The following DYNC2H1 variants were observed in gnomAD, a reference collection of about 807,000 sequenced individuals.
DYNC2H1 encodes the protein cytoplasmic dynein 2 heavy chain 1.
A neutral mutation model predicts 570.0 loss-of-function variants in DYNC2H1; 410 were observed. The ratio of observed to expected loss-of-function variants is 0.72; its 90% CI spans 0.66 to 0.78. The LOEUF (loss-of-function observed/expected upper bound fraction) is 0.78. Among genes scored for constraint, DYNC2H1 ranks in the 30% least tolerant of loss-of-function variants. DYNC2H1 has a pLI of 0.00. For synonymous variants in DYNC2H1, 1,688 were observed against 1,677.6 expected (o/e 1.01, Z -0.15); for missense variants, 4,865 against 5,046.4 (o/e 0.96, Z 1.09).
chr11:103,456,385 C>T, intron 87 of DYNC2H1, 29 bp downstream of exon 87: 2 of 1,545,110 alleles, frequency 1.3e-6, no homozygotes, highest in Non-Finnish European at 1.8e-6. Flanking sequence ...ATCTTGGAAT[C>T]TCAGCCTTAT....
In DYNC2H1 at chr11:103,177,213, A is replaced by T. The variant is rs962107023; in HGVS notation, c.5875-343A>T. Among the ~76,000 whole-genome samples the T allele has an allele frequency of 6.6e-6, 1 of 152,184 alleles. No individual in the cohort carries two copies. The highest frequency in any genetic ancestry group is 1.5e-5 in the Non-Finnish European group (1 of 68,030). On this transcript the variant is annotated intron_variant, in intron 37 of 88. Coordinates refer to ENST00000375735, the MANE Select transcript of DYNC2H1 (RefSeq NM_001377.3). This position sits in a 1 kb window ranked among gnomAD's most constrained non-coding sequence, Gnocchi z 4.4. ...GCCCTCAGTTTTGGAGAGAAGTAAG[A>T]TAAGAATGAATGAATGAATGAATAA...
chr11:103,340,742 C>T (rs11225732), intron 82 of DYNC2H1, among the ~76,000 whole-genome samples: 6 of 151,910 alleles, frequency 3.9e-5, no homozygotes, highest in African/African-American at 1.5e-4. Flanking sequence ...TTTTAGTACA[C>T]CTTTCGTAAC....
chr11:103,168,849 T>C lies in DYNC2H1; in HGVS notation c.4857T>C (p.His1619=), dbSNP rs763153020. The C allele has an allele frequency of 3.1e-6, 5 of 1,613,254 alleles. No individual in the cohort carries two copies. In the East Asian group the frequency reaches 1.1e-4, roughly 36 times the overall value. The change falls in exon 32 of 89, where the codon CAT becomes CAC. Residue 1619 remains histidine, a synonymous_variant. Coordinates refer to ENST00000375735, the MANE Select transcript of DYNC2H1 (RefSeq NM_001377.3). Reference sequence around the variant, plus strand: ...AGCAGTTAAACCAAATTCAGGTTCATACAACTGAAGACTGGGCTTGGAAAA... The same window carrying C: ...AGCAGTTAAACCAAATTCAGGTTCACACAACTGAAGACTGGGCTTGGAAAA... The part of the protein sequence containing the change: ...VVKQLNQIQV[H]TTEDWAWKKQ...
chr11:103,288,922 A>G (rs1175571910), intron 75 of DYNC2H1, among the ~76,000 whole-genome samples: 2 of 150,456 alleles, frequency 1.3e-5, no homozygotes, highest in Non-Finnish European at 3.0e-5. Flanking sequence ...TTTAGGGGTC[A>G]TGCAGCCTCG....
In DYNC2H1 at chr11:103,325,882, T is replaced by A. The variant is rs2135448876; in HGVS notation, c.12039+1892T>A. ...TGGTGGGCGGGGGATGGGCGTATAG[T>A]GGGCTCCTTTGAAGGTAAGGGGACA... On this transcript the variant is annotated intron_variant, in intron 82 of 88. Coordinates refer to ENST00000375735, the MANE Select transcript of DYNC2H1 (RefSeq NM_001377.3). This position sits in a 1 kb window ranked among gnomAD's most constrained non-coding sequence, Gnocchi z 4.8. Among the ~76,000 whole-genome samples the A allele has an allele frequency of 6.6e-6, 1 of 152,228 alleles. No homozygotes were observed. Among genetic ancestry groups the A allele is most frequent in the Admixed American group, 6.5e-5 (1 of 15,284 alleles).
chr11:103,371,048 A>G (rs547246923), intron 83 of DYNC2H1, among the ~76,000 whole-genome samples: 1 of 152,254 alleles, frequency 6.6e-6, no homozygotes, highest in African/African-American at 2.4e-5. Context: ...ACTTTGAGAA[A>G]ACTCAAACTC....
In DYNC2H1 at chr11:103,388,961, C is replaced by G. The variant is rs372196570; in HGVS notation, c.12157-10702C>G. Among the ~76,000 whole-genome samples, 14 of 152,064 alleles carry G rather than the reference C, an allele frequency of 9.2e-5. No individual in the cohort carries two copies. In the East Asian group the frequency reaches 2.5e-3, roughly 27 times the overall value. ...TTCATCAGGGATATTGTCTAAAATT[C>G]CCTTTTTTTGTTGTGTCTCTGCCAG... is the stretch of plus-strand genomic sequence containing the variant. On this transcript the variant is annotated intron_variant, in intron 83 of 88. Transcript: ENST00000375735.
intron 40 of DYNC2H1, among the ~76,000 whole-genome samples, chr11:103,182,465 C>T (rs1041890843): frequency 6.6e-6 from 1 of 151,642 alleles, no homozygotes; most frequent in African/African-American, 2.4e-5. Flanking sequence ...AAGCATAATA[C>T]AAGAGAGACT....
Position 103,229,693 on chromosome 11 carries a change from A to G in DYNC2H1, c.9354-1567A>G, listed in dbSNP as rs1316667531. 2.0e-5 allele frequency among the ~76,000 whole-genome samples: 3 copies of G among 152,162 alleles called. No homozygotes were observed. In the East Asian group the frequency reaches 5.8e-4, roughly 29 times the overall value. ...TTCAGCATTGTTCTAGAGATTACCTATTGTATTCTTTTATTATGAATTCCT... is the reference window on the plus strand; with the variant it reads ...TTCAGCATTGTTCTAGAGATTACCTGTTGTATTCTTTTATTATGAATTCCT... On this transcript the variant is annotated intron_variant, in intron 59 of 88. Transcript: ENST00000375735.
chr11:103,421,142 A>G (rs749799362), intron 84 of DYNC2H1, among the ~76,000 whole-genome samples: 5 of 152,248 alleles, frequency 3.3e-5, no homozygotes, highest in Admixed American at 6.5e-5. Flanking sequence ...AGGACATTAC[A>G]TAATGGTAAA....
intron 83 of DYNC2H1, 33 bp downstream of exon 83, chr11:103,358,392 CT>C: frequency 7.1e-7 from 1 of 1,408,350 alleles, no homozygotes; most frequent in Non-Finnish European, 9.8e-7. Flanking sequence ...GATTCTTTTG[CT>C]TTTTCTCCCG....
At position 103,186,161 on chromosome 11, in the gene DYNC2H1, T is replaced by A. The variant is rs1357193757; in HGVS notation, c.6634-81T>A. 6 of 1,355,840 alleles carry A rather than the reference T, an allele frequency of 4.4e-6. No homozygotes were observed. Among genetic ancestry groups the A allele is most frequent in the Non-Finnish European group, 6.0e-6 (6 of 1,006,570 alleles). The allele number at this position is 1,355,840 out of a possible 1,614,324, so 84.0% of individuals were successfully genotyped here. A position where few individuals can be genotyped will look rare whatever the true frequency, so the allele number is the denominator to read the frequency against. Reference sequence around the variant, plus strand: ...TCTTGGAACTAAGATGATTTACTTTTGGGATATTTACTTGGAAGAATTTTA... The same window carrying A: ...TCTTGGAACTAAGATGATTTACTTTAGGGATATTTACTTGGAAGAATTTTA... On this transcript the variant is annotated intron_variant, in intron 41 of 88. Transcript: ENST00000375735. The surrounding 1 kb of genome is among the most constrained non-coding windows in gnomAD (Gnocchi z 4.5).
chr11:103,412,371 T>TTAAAGAAAACAATATTGTAA (rs1943123153), intron 84 of DYNC2H1, among the ~76,000 whole-genome samples: 1 of 151,982 alleles, frequency 6.6e-6, no homozygotes, highest in East Asian at 1.9e-4. Flanking sequence ...AATTTGCTTT[T>TTAAAGAAAACAATATTGTAA]TAAAGAAAAC....
chr11:103,301,701 A>G (rs12418094), intron 75 of DYNC2H1, among the ~76,000 whole-genome samples: 20,841 of 151,828 alleles, frequency 0.14, 1,679 homozygotes, highest in Admixed American at 0.24. Flanking sequence ...TGTTGTGAAG[A>G]ACAGACAAGG....
intron 88 of DYNC2H1, among the ~76,000 whole-genome samples, chr11:103,475,237 C>A (rs1024451088): frequency 2.0e-5 from 3 of 152,048 alleles, no homozygotes; most frequent in Non-Finnish European, 4.4e-5. Flanking sequence ...ACTGTAATTG[C>A]ACAAAACTTT....
At chr11:103,215,282 G>T (rs1357657265) in intron 54 of DYNC2H1, among the ~76,000 whole-genome samples, 1 of 151,996 alleles carries the variant, frequency 6.6e-6, no homozygotes, top group Non-Finnish European at 1.5e-5. Context: ...GTGGGCAGAG[G>T]GTTTGTCATT....
At chr11:103,375,177 G>C (rs1025772749) in intron 83 of DYNC2H1, among the ~76,000 whole-genome samples, 2 of 152,216 alleles carry the variant, frequency 1.3e-5, no homozygotes, top group African/African-American at 2.4e-5. Flanking sequence ...CTTCCACATG[G>C]TGTTGGGCCT....
chr11:103,419,988 A>C (rs1217076401), intron 84 of DYNC2H1, among the ~76,000 whole-genome samples: 1 of 152,172 alleles, frequency 6.6e-6, no homozygotes, highest in Non-Finnish European at 1.5e-5. Context: ...TTCACAATGC[A>C]ATCAGAAGTA....
chr11:103,253,432 G>T lies in DYNC2H1; in HGVS notation c.10190G>T (p.Ser3397Ile), dbSNP rs1348449470. 1 of 1,612,582 alleles carries T rather than the reference G, an allele frequency of 6.2e-7. No homozygotes were observed. The highest frequency in any genetic ancestry group is 8.5e-7 in the Non-Finnish European group (1 of 1,179,102). The change falls in exon 66 of 89, where the codon AGT becomes ATT. Residue 3397 changes from serine (S) to isoleucine (I), a missense_variant. By Grantham distance (142) the Ser-to-Ile change is moderately radical. This residue lies in a region of DYNC2H1 where 2,401 missense variants were observed against 2,454.6 expected (regional missense o/e 0.98). Coordinates refer to ENST00000375735, the MANE Select transcript of DYNC2H1 (RefSeq NM_001377.3). ...GAGGTTAACTTTACTACAACAAGAA[G>T]TGGATTACGAGGGCAGGTATACATA... is the stretch of plus-strand genomic sequence containing the variant. The part of the protein sequence containing the change: ...VTEVNFTTTR[S>I]GLRGQLLALT...
Sources: allele counts gnomAD v4.1 joint callset (sites outside exome capture counted in the v4.1 genomes callset), GRCh38; gene constraint gnomAD v4.1.1; regional missense constraint gnomAD v4.1.1; non-coding constraint Gnocchi (gnomAD v3.1); transcripts MANE v1.5; gene names NCBI Gene and HGNC (gene_info 2026-07-23, HGNC 2026-07-21).